GFRAL: variants seen among roughly 807,000 people sequenced by gnomAD.
GFRAL encodes the protein GDNF family receptor alpha like.
GFRAL carries 36 observed loss-of-function variants against 45.4 expected under a neutral mutation model. That is an observed-to-expected ratio of 0.79 (90% CI 0.61 to 1.05). GFRAL has a LOEUF of 1.05. GFRAL is among the 50% of genes least tolerant of loss of function. GFRAL has a pLI of 0.00. For missense variants in GFRAL, 507 were observed against 467.5 expected (o/e 1.08, Z -0.78); for synonymous variants, 166 against 154.1 (o/e 1.08, Z -0.57).
chr6:55,329,602 T>C (rs1767805538), intron 1 of GFRAL, among the ~76,000 whole-genome samples: 1 of 152,136 alleles, frequency 6.6e-6, no homozygotes, highest in South Asian at 2.1e-4. Context: ...AAGAGTCCTC[T>C]TTTTCTTTCT....
rs371959407 is a variant in GFRAL, at chr6:55,379,685, T to A, written c.953-19495T>A. ...TGTGGTGAGAACACTTTGCATTCAC[T>A]CTCTCAGCATTTTTCAAGAATGTAA... On this transcript the variant is annotated intron_variant, in intron 6 of 8. Transcript: ENST00000340465. 8.6e-5 allele frequency among the ~76,000 whole-genome samples: 13 copies of A among 151,970 alleles called. No homozygotes were observed. The East Asian group carries it at 2.5e-3, about 30-fold the overall frequency.
intron 1 of GFRAL, among the ~76,000 whole-genome samples, chr6:55,330,000 C>T (rs1343847504): frequency 1.3e-5 from 2 of 152,136 alleles, no homozygotes; most frequent in African/African-American, 4.8e-5. Context: ...GTTACTACAA[C>T]TGTCTCTGTA....
intron 6 of GFRAL, among the ~76,000 whole-genome samples, chr6:55,379,512 A>G (rs1016276356): frequency 7.9e-6 from 1 of 126,264 alleles, no homozygotes; most frequent in East Asian, 2.1e-4. Context: ...CCAAATTTAT[A>G]TATTTTTTAA....
chr6:55,350,308 T>C (rs1768099137), intron 4 of GFRAL, among the ~76,000 whole-genome samples, 163 bp downstream of exon 4: 1 of 152,128 alleles, frequency 6.6e-6, no homozygotes, highest in Non-Finnish European at 1.5e-5. Context: ...CTTTTACTAA[T>C]GATGCATCAA....
At chr6:55,396,876 CTTT>C (rs369457794) in intron 6 of GFRAL, among the ~76,000 whole-genome samples, 4 of 127,872 alleles carry the variant, frequency 3.1e-5, no homozygotes, top group Non-Finnish European at 5.0e-5. Context: ...AAGGGGGAAG[CTTT>C]TTTTTTTTTT....
chr6:55,367,342 C>T lies in GFRAL; in HGVS notation c.952+8204C>T, dbSNP rs569635435. 4.2e-5 allele frequency among the ~76,000 whole-genome samples: 6 copies of T among 142,632 alleles called. No individual in the cohort carries two copies. In the South Asian group the frequency reaches 6.6e-4, roughly 16 times the overall value. The allele number at this position is 142,632 out of a possible 152,430, so 93.6% of individuals were successfully genotyped here. On this transcript the variant is annotated intron_variant, in intron 6 of 8. Transcript: ENST00000340465. ...TTTTGAGCCTATGGGTGTCTCTGCA[C>T]GTGAGATGGGTTTCCTGAATACAGC...
intron 6 of GFRAL, among the ~76,000 whole-genome samples, chr6:55,378,818 T>A (rs1768568546): frequency 6.6e-6 from 1 of 152,000 alleles, no homozygotes; most frequent in South Asian, 2.1e-4. Flanking sequence ...CTGGGAAGGA[T>A]TTCCTTTTAC....
At chr6:55,382,497 C>T (rs1198318906) in intron 6 of GFRAL, among the ~76,000 whole-genome samples, 1 of 151,844 alleles carries the variant, frequency 6.6e-6, no homozygotes, top group Non-Finnish European at 1.5e-5. Flanking sequence ...GTTGGGTCCT[C>T]AGGGAAAAGT....
At chr6:55,396,932 T>A (rs1768833304) in intron 6 of GFRAL, among the ~76,000 whole-genome samples, 1 of 145,586 alleles carries the variant, frequency 6.9e-6, no homozygotes, top group Non-Finnish European at 1.5e-5. Flanking sequence ...CAGGCTGGAG[T>A]GTAGTGGCTT....
intron 6 of GFRAL, among the ~76,000 whole-genome samples, chr6:55,382,922 G>A (rs1768629923): frequency 6.6e-6 from 1 of 151,890 alleles, no homozygotes. Context: ...CAGATTTTGA[G>A]GGGTTTGAAA....
intron 6 of GFRAL, among the ~76,000 whole-genome samples, chr6:55,388,281 A>C (rs1401808771): frequency 6.6e-6 from 1 of 152,202 alleles, no homozygotes; most frequent in Non-Finnish European, 1.5e-5. Flanking sequence ...TCCTGAGTGC[A>C]TGTCTGCTTT....
intron 3 of GFRAL, among the ~76,000 whole-genome samples, chr6:55,348,653 T>A (rs527531927): frequency 2.0e-5 from 3 of 152,214 alleles, no homozygotes; most frequent in Admixed American, 6.6e-5. Flanking sequence ...GAGAGACAGC[T>A]AGCTCCCTGA....
intron 3 of GFRAL, among the ~76,000 whole-genome samples, chr6:55,345,065 T>A (rs1768019949): frequency 6.6e-6 from 1 of 152,164 alleles, no homozygotes; most frequent in African/African-American, 2.4e-5. Context: ...TCGAAGAGCA[T>A]TCCATGTTCA....
chr6:55,328,312 A>G (rs1354718447), intron 1 of GFRAL, among the ~76,000 whole-genome samples: 4 of 151,978 alleles, frequency 2.6e-5, no homozygotes, highest in Non-Finnish European at 4.4e-5. Flanking sequence ...AATTCAGAAA[A>G]GGAATAATTG....
chr6:55,327,649 ACTTAAG>A, intron 1 of GFRAL, 73 bp downstream of exon 1: 1 of 1,394,098 alleles, frequency 7.2e-7, no homozygotes, highest in Non-Finnish European at 1.0e-6. Context: ...ATACCATCAC[ACTTAAG>A]CTTAACAGGG....
intron 3 of GFRAL, among the ~76,000 whole-genome samples, chr6:55,339,352 T>A (rs1767931485): frequency 1.3e-5 from 2 of 151,946 alleles, no homozygotes; most frequent in Non-Finnish European, 2.9e-5. Flanking sequence ...AAATTTGCAA[T>A]GATAAAAAAA....
intron 6 of GFRAL, among the ~76,000 whole-genome samples, chr6:55,393,187 T>G (rs1174365862): frequency 6.6e-6 from 1 of 152,218 alleles, no homozygotes; most frequent in Non-Finnish European, 1.5e-5. Context: ...TTTTCCAATT[T>G]GTTTTCCTGG....
At chr6:55,353,582 T>G (rs9464227) in intron 5 of GFRAL, among the ~76,000 whole-genome samples, 4,661 of 152,216 alleles carry the variant, frequency 0.031, 103 homozygotes, top group African/African-American at 0.061. Flanking sequence ...GAATAAGGCA[T>G]TGACAAAATA....
At chr6:55,392,275 A>G (rs1428012214) in intron 6 of GFRAL, among the ~76,000 whole-genome samples, 1 of 152,218 alleles carries the variant, frequency 6.6e-6, no homozygotes, top group Non-Finnish European at 1.5e-5. Context: ...CTAGATCAAG[A>G]ACTTTACGGG....
Sources: allele counts gnomAD v4.1 joint callset (sites outside exome capture counted in the v4.1 genomes callset), GRCh38; gene constraint gnomAD v4.1.1; transcripts MANE v1.5; gene names NCBI Gene and HGNC (gene_info 2026-07-23, HGNC 2026-07-21).